The following LCK variants were observed in gnomAD, a reference collection of about 807,000 sequenced individuals.
The protein encoded by LCK is LCK proto-oncogene, Src family tyrosine kinase.
Under a neutral mutation model 64.6 loss-of-function variants are expected in LCK, and 14 were observed. The ratio of observed to expected loss-of-function variants is 0.22; its 90% confidence interval spans 0.14 to 0.34. The LOEUF (loss-of-function observed/expected upper bound fraction) is 0.34, where lower values mean the gene tolerates loss of function less well. Among genes scored for constraint, LCK ranks in the 10% least tolerant of loss-of-function variants. The pLI, the probability that LCK is intolerant of heterozygous loss-of-function variation, is 1.00. For synonymous variants in LCK, 277 were observed against 263.6 expected (o/e 1.05, Z -0.49); for missense variants, 434 against 668.1 (o/e 0.65, Z 3.86).
chr1:32,282,795 G>C (rs1008102608), intron 12 of LCK, among the ~76,000 whole-genome samples: 2 of 151,872 alleles, frequency 1.3e-5, no homozygotes, highest in African/African-American at 4.8e-5. Flanking sequence ...GACAGAGTGA[G>C]AGTCCATCTC....
chr1:32,255,699 C>T (rs1639613259), intron 1 of LCK, among the ~76,000 whole-genome samples: 1 of 152,142 alleles, frequency 6.6e-6, no homozygotes, highest in South Asian at 2.1e-4. Flanking sequence ...ACCTCTGTCA[C>T]AGAGGGCAGG....
chr1:32,266,605 GCCA>G (rs1426748905), intron 1 of LCK, among the ~76,000 whole-genome samples: 2 of 127,982 alleles, frequency 1.6e-5, no homozygotes, highest in African/African-American at 6.5e-5. Context: ...CTCCTCCTCC[GCCA>G]CCACCACCTC....
rs768835510 is a variant in LCK at position 32,274,234 on chromosome 1, T to C, written c.-5-91T>C. 4 of 1,600,688 alleles carry C rather than the reference T, an allele frequency of 2.5e-6. No homozygotes were observed. In the Admixed American group the frequency reaches 6.9e-5, roughly 28 times the overall value. On this transcript the variant is annotated intron_variant, in intron 1 of 12. Coordinates refer to ENST00000336890, the MANE Select transcript of LCK (RefSeq NM_005356.5). ...AGGATCTCACAATCTCAGGTACTTT[T>C]GGAACTTTCCAGGGCAAGGCCCCAT...
At chr1:32,282,229 G>A (rs1457204656) in intron 12 of LCK, among the ~76,000 whole-genome samples, 1 of 152,134 alleles carries the variant, frequency 6.6e-6, no homozygotes, top group Admixed American at 6.6e-5. Context: ...GCTCCTTCCC[G>A]GTTCCCACAG....
At chr1:32,262,222 C>T (rs1012352702) in intron 1 of LCK, among the ~76,000 whole-genome samples, 4 of 140,982 alleles carry the variant, frequency 2.8e-5, no homozygotes, top group African/African-American at 1.0e-4. Context: ...TGAGCATGGT[C>T]GGGTGCCGTG....
Position 32,251,615 on chromosome 1 carries a change from T to A in LCK, c.-6+244T>A, listed in dbSNP as rs1639508081. Among the ~76,000 whole-genome samples the A allele has an allele frequency of 2.6e-5, 4 of 152,278 alleles. No homozygotes were observed. The highest frequency in any genetic ancestry group is 6.8e-3 in the Middle Eastern group (2 of 294). ...GTGGCCCCACCTGACTGGGAGCGTG[T>A]TTCCTGGACACCAGGCACATGGACA... On this transcript the variant is annotated intron_variant, in intron 1 of 12. Coordinates refer to ENST00000336890, the MANE Select transcript of LCK (RefSeq NM_005356.5). The surrounding 1 kb of genome is among the most constrained non-coding windows in gnomAD (Gnocchi z 4.0).
At chr1:32,268,813 C>CAAAAA (rs1203257987) in intron 1 of LCK, among the ~76,000 whole-genome samples, 7 of 53,224 alleles carry the variant, frequency 1.3e-4, no homozygotes, top group Non-Finnish European at 2.4e-4. Flanking sequence ...AACTCCGTCT[C>CAAAAA]AAAAAAAAAA....
chr1:32,257,755 G>T (rs1329539804), intron 1 of LCK, among the ~76,000 whole-genome samples: 1 of 152,136 alleles, frequency 6.6e-6, no homozygotes, highest in Non-Finnish European at 1.5e-5. Flanking sequence ...CAAGGGAGCG[G>T]ACTCAGTAAA....
chr1:32,259,251 A>G (rs896798973), intron 1 of LCK, among the ~76,000 whole-genome samples: 1 of 150,658 alleles, frequency 6.6e-6, no homozygotes, highest in African/African-American at 2.4e-5. Flanking sequence ...AAAAAAATAC[A>G]AAAATTACCC....
At chr1:32,280,310 G>C in intron 12 of LCK, 100 bp downstream of exon 12, 1 of 1,474,534 alleles carries the variant, frequency 6.8e-7, no homozygotes, top group East Asian at 2.3e-5. Flanking sequence ...CTTTGTAGCT[G>C]CATCTCCTCT....
Position 32,276,334 on chromosome 1 carries a change from C to A in LCK, c.632-3C>A. On this transcript the variant is annotated splice_polypyrimidine_tract_variant and splice_region_variant and intron_variant, in intron 7 of 12. Transcript: ENST00000336890. This position sits in a 1 kb window ranked among gnomAD's most constrained non-coding sequence, Gnocchi z 4.6. ...AGCCTTCACCCCTCCCTCGTCCTCG[C>A]AGATGCTTCAGATGGGCTGTGCACA... is the stretch of plus-strand genomic sequence containing the variant. 1 of 1,571,612 alleles carries A rather than the reference C, an allele frequency of 6.4e-7. No homozygotes were observed. The highest frequency in any genetic ancestry group is 8.6e-7 in the Non-Finnish European group (1 of 1,161,936).
chr1:32,272,650 CG>C (rs1557581532), intron 1 of LCK, among the ~76,000 whole-genome samples: 1 of 73,020 alleles, frequency 1.4e-5, no homozygotes, highest in African/African-American at 8.8e-5. Flanking sequence ...AGAGAGAGAG[CG>C]AGAGAGCGCA....
At chr1:32,264,160 AC>A (rs566023359) in intron 1 of LCK, among the ~76,000 whole-genome samples, 179 of 152,298 alleles carry the variant, frequency 1.2e-3, no homozygotes, top group Non-Finnish European at 1.5e-3. Context: ...GTAAATATAT[AC>A]CCAGAAACGT....
intron 1 of LCK, among the ~76,000 whole-genome samples, chr1:32,260,304 C>T (rs899154560): frequency 1.3e-5 from 2 of 152,138 alleles, no homozygotes. Flanking sequence ...AACCACTGCG[C>T]CTGGCCTTTT....
intron 1 of LCK, among the ~76,000 whole-genome samples, chr1:32,254,237 G>A (rs1052436662): frequency 2.0e-5 from 3 of 152,126 alleles, no homozygotes; most frequent in South Asian, 2.1e-4. Context: ...AAATAAACAC[G>A]GCAGAGTGCA....
At chr1:32,280,443 CTT>C (rs770430504) in intron 12 of LCK, among the ~76,000 whole-genome samples, 709 of 84,598 alleles carry the variant, frequency 8.4e-3, no homozygotes, top group African/African-American at 0.037. Context: ...TTTTCTTTTT[CTT>C]TTTTTTTTTT....
Position 32,274,429 on chromosome 1 carries a change from G to C in LCK, c.100G>C (p.Gly34Arg), listed in dbSNP as rs770282584. The part of the protein sequence containing the change: ...HYPIVPLDGK[G>R]TLLIRNGSEV... Reference sequence around the variant, plus strand: ...TCCCATAGTCCCACTGGATGGCAAGGGCACGGTAAGAGGCGAGACAGGGGC... The same window carrying C: ...TCCCATAGTCCCACTGGATGGCAAGCGCACGGTAAGAGGCGAGACAGGGGC... Residue 34 changes from glycine to arginine, a missense_variant, in exon 2 of 13, where the codon GGC becomes CGC. Coordinates refer to ENST00000336890, the MANE Select transcript of LCK (RefSeq NM_005356.5). 6.2e-7 allele frequency: 1 copy of C among 1,611,410 alleles called. No individual in the cohort carries two copies. The highest frequency in any genetic ancestry group is 8.5e-7 in the Non-Finnish European group (1 of 1,178,492).
chr1:32,268,355 C>G (rs1639985298), intron 1 of LCK, among the ~76,000 whole-genome samples: 2 of 151,762 alleles, frequency 1.3e-5, no homozygotes, highest in South Asian at 4.2e-4. Context: ...TTCTGTCACC[C>G]AGGCTGGAGT....
rs756788990 is a variant in LCK at position 32,285,632 on chromosome 1, G to A, written c.1446G>A (p.Glu482=). 1.9e-6 allele frequency: 3 copies of A among 1,614,092 alleles called. No homozygotes were observed. The highest frequency in any genetic ancestry group is 2.5e-6 in the Non-Finnish European group (3 of 1,180,056). Residue 482 remains glutamate, a synonymous_variant, in exon 13 of 13, where the codon GAG becomes GAA. Transcript: ENST00000336890. The part of the protein sequence containing the change: ...LMRLCWKERP[E]DRPTFDYLRS... ...GGCTGTGCTGGAAGGAGCGCCCAGA[G>A]GACCGGCCCACCTTTGACTACCTGC...
Sources: allele counts gnomAD v4.1 joint callset (sites outside exome capture counted in the v4.1 genomes callset), GRCh38; gene constraint gnomAD v4.1.1; non-coding constraint Gnocchi (gnomAD v3.1); transcripts MANE v1.5; gene names NCBI Gene and HGNC (gene_info 2026-07-23, HGNC 2026-07-21).